Variants in GNA14 observed in about 807,000 individuals in gnomAD.
The protein encoded by GNA14 is G protein subunit alpha 14, also known as guanine nucleotide-binding protein subunit alpha-14.
A neutral mutation model predicts 42.0 loss-of-function variants in GNA14; 50 were observed. The observed-to-expected ratio is 1.19, with a 90% CI of 0.95 to 1.51. The LOEUF is 1.51. Among genes scored for constraint, GNA14 ranks in the 40% most tolerant of loss-of-function variants. The pLI, the probability that GNA14 is intolerant of heterozygous loss-of-function variation, is 0.00. For synonymous variants in GNA14, 173 were observed against 163.1 expected (o/e 1.06, Z -0.46); for missense variants, 473 against 446.2 (o/e 1.06, Z -0.54).
chr9:77,588,862 T>C (rs570020736), intron 1 of GNA14, among the ~76,000 whole-genome samples: 1 of 152,280 alleles, frequency 6.6e-6, no homozygotes, highest in East Asian at 1.9e-4. Context: ...TCTGAACACA[T>C]GCAGTCGCAG....
rs1306139550 is a variant in GNA14, at chr9:77,596,611, G to C, written c.124+51059C>G. On this transcript the variant is annotated intron_variant, in intron 1 of 6. Coordinates refer to ENST00000341700, the MANE Select transcript of GNA14 (RefSeq NM_004297.4). ...CATGCGGGGAAAGGAATAGGAAGAA[G>C]AGATTATACCGATCCCAAAATGATC... Among the ~76,000 whole-genome samples, 4 of 152,134 alleles carry C rather than the reference G, an allele frequency of 2.6e-5. No individual in the cohort carries two copies. The East Asian group carries it at 7.7e-4, about 29-fold the overall frequency.
At chr9:77,541,913 T>A (rs1194433727) in intron 1 of GNA14, among the ~76,000 whole-genome samples, 2 of 152,188 alleles carry the variant, frequency 1.3e-5, no homozygotes, top group East Asian at 3.8e-4. Context: ...GTATCTCTTT[T>A]TGGGAAATTT....
At chr9:77,531,764 T>C (rs1221309688) in intron 1 of GNA14, among the ~76,000 whole-genome samples, 1 of 152,174 alleles carries the variant, frequency 6.6e-6, no homozygotes, top group Non-Finnish European at 1.5e-5. Context: ...ATGTTATTAA[T>C]AGTTAAAGCT....
intron 1 of GNA14, among the ~76,000 whole-genome samples, chr9:77,536,067 G>C (rs1020246184): frequency 6.6e-6 from 1 of 152,022 alleles, no homozygotes; most frequent in Non-Finnish European, 1.5e-5. Flanking sequence ...ATCACAGCCA[G>C]GTCACTCTCC....
At chr9:77,471,763 A>G (rs541277916) in intron 2 of GNA14, among the ~76,000 whole-genome samples, 2 of 152,312 alleles carry the variant, frequency 1.3e-5, no homozygotes, top group African/African-American at 4.8e-5. Flanking sequence ...AGGATGAACT[A>G]TCCACACAGT....
At chr9:77,603,943 CAAAAAAAAAAAACAAAAAAA>C (rs1823608804) in intron 1 of GNA14, among the ~76,000 whole-genome samples, 2 of 40,166 alleles carry the variant, frequency 5.0e-5, no homozygotes, top group African/African-American at 1.6e-4. Flanking sequence ...GACTCCATCT[CAAAAAAAAAAAACAAAAAAA>C]AAAAAAAAAA....
chr9:77,468,289 T>G (rs571293634), intron 2 of GNA14, among the ~76,000 whole-genome samples: 2 of 152,360 alleles, frequency 1.3e-5, no homozygotes, highest in South Asian at 4.1e-4. Context: ...CTGTATGCTT[T>G]TAGGACAATT....
intron 1 of GNA14, among the ~76,000 whole-genome samples, chr9:77,601,133 G>C (rs1004410676): frequency 1.3e-5 from 2 of 152,202 alleles, no homozygotes; most frequent in African/African-American, 4.8e-5. Context: ...TGAGGTGGGA[G>C]CCCTTGGCAG....
At chr9:77,458,907 G>GGGGC (rs1554689045) in intron 2 of GNA14, among the ~76,000 whole-genome samples, 4 of 147,388 alleles carry the variant, frequency 2.7e-5, no homozygotes, top group East Asian at 3.9e-4. Context: ...AAGCTGGAGG[G>GGGGC]GGGGGGGTTG....
At chr9:77,431,060 GTGTA>G (rs1835544361) in intron 4 of GNA14, among the ~76,000 whole-genome samples, 1 of 151,674 alleles carries the variant, frequency 6.6e-6, no homozygotes, top group East Asian at 1.9e-4. Context: ...GTGTGTGTGT[GTGTA>G]TGAGTGTGTG....
intron 1 of GNA14, among the ~76,000 whole-genome samples, chr9:77,586,499 A>G (rs1823305126): frequency 6.6e-6 from 1 of 152,292 alleles, no homozygotes; most frequent in Non-Finnish European, 1.5e-5. Context: ...TAAATACCCG[A>G]GGTTTGTTGT....
At chr9:77,431,552 G>T in intron 3 of GNA14, 103 bp from the exon 4 acceptor site, 3 of 985,876 alleles carry the variant, frequency 3.0e-6, no homozygotes, top group Non-Finnish European at 3.0e-6. Context: ...GCCCCACACA[G>T]ACACACGAAT....
chr9:77,463,595 C>G (rs1587776571), intron 2 of GNA14, among the ~76,000 whole-genome samples: 1 of 152,210 alleles, frequency 6.6e-6, no homozygotes, highest in East Asian at 1.9e-4. Context: ...GATTAACTTT[C>G]AGATAAGTGT....
At chr9:77,631,025 C>A (rs1163688827) in intron 1 of GNA14, among the ~76,000 whole-genome samples, 1 of 152,124 alleles carries the variant, frequency 6.6e-6, no homozygotes, top group African/African-American at 2.4e-5. Flanking sequence ...AGGCTAAGAG[C>A]AAAACAGCGT....
chr9:77,541,124 G>C (rs1837655697), intron 1 of GNA14, among the ~76,000 whole-genome samples: 1 of 151,940 alleles, frequency 6.6e-6, no homozygotes, highest in Non-Finnish European at 1.5e-5. Flanking sequence ...TAACCAATGG[G>C]TTTTATATTC....
At chr9:77,442,452 C>A (rs1306668772) in intron 2 of GNA14, among the ~76,000 whole-genome samples, 1 of 152,212 alleles carries the variant, frequency 6.6e-6, no homozygotes, top group Admixed American at 6.5e-5. Context: ...AGTGCCCAAG[C>A]AGATGAGCCC....
chr9:77,629,365 A>C (rs771178072), intron 1 of GNA14, among the ~76,000 whole-genome samples: 4 of 152,230 alleles, frequency 2.6e-5, no homozygotes, highest in Non-Finnish European at 5.9e-5. Flanking sequence ...TTGACCCAGC[A>C]ATCCCATTAC....
intron 2 of GNA14, among the ~76,000 whole-genome samples, chr9:77,458,915 T>C (rs1156949268): frequency 2.3e-5 from 3 of 129,568 alleles, no homozygotes; most frequent in Non-Finnish European, 4.9e-5. Context: ...GGGGGGGGGG[T>C]TGTCCTCTTC....
chr9:77,522,125 T>C (rs1441469503), intron 2 of GNA14, among the ~76,000 whole-genome samples: 1 of 152,150 alleles, frequency 6.6e-6, no homozygotes, highest in East Asian at 1.9e-4. Flanking sequence ...GCATGGCCCA[T>C]ATGCTATTTT....
Sources: allele counts gnomAD v4.1 joint callset (sites outside exome capture counted in the v4.1 genomes callset), GRCh38; gene constraint gnomAD v4.1.1; transcripts MANE v1.5; gene names NCBI Gene and HGNC (gene_info 2026-07-23, HGNC 2026-07-21).